The following CDH10 variants were observed in gnomAD, a reference collection of about 807,000 sequenced individuals.
The protein encoded by CDH10 is cadherin 10, also known as cadherin-10.
In CDH10, 30 loss-of-function variants were observed where a neutral mutation model predicts 73.1. The observed-to-expected ratio is 0.41, with a 90% CI of 0.31 to 0.56. CDH10 has a LOEUF of 0.56. Ranked by LOEUF, CDH10 falls within the 20% of genes least tolerant of loss-of-function variation. The probability of loss-of-function intolerance (pLI) is 0.27; values close to 1 mark genes in which losing one functional copy is unlikely to be tolerated. For missense variants in CDH10, 815 were observed against 973.7 expected (o/e 0.84, Z 2.17); for synonymous variants, 345 against 348.2 (o/e 0.99, Z 0.10).
intron 2 of CDH10, among the ~76,000 whole-genome samples, chr5:24,566,342 C>T (rs1169452806): frequency 1.3e-5 from 2 of 152,108 alleles, no homozygotes; most frequent in African/African-American, 4.8e-5. Flanking sequence ...GCCACCACTC[C>T]CGGCCCCTAG....
chr5:24,619,395 G>T (rs570982165), intron 1 of CDH10, among the ~76,000 whole-genome samples: 4 of 151,966 alleles, frequency 2.6e-5, no homozygotes, highest in Non-Finnish European at 5.9e-5. Flanking sequence ...AGGTTTCACC[G>T]TGTTAGCCAG....
chr5:24,530,361 G>T (rs1383921950), intron 5 of CDH10, among the ~76,000 whole-genome samples: 1 of 151,894 alleles, frequency 6.6e-6, no homozygotes, highest in Admixed American at 6.6e-5. Flanking sequence ...GTTTTGTCAA[G>T]CCCTACAATG....
chr5:24,613,631 G>C (rs1439432333), intron 1 of CDH10, among the ~76,000 whole-genome samples: 1 of 151,850 alleles, frequency 6.6e-6, no homozygotes, highest in African/African-American at 2.4e-5. Context: ...AAGTACAAAT[G>C]GGGACAATGT....
At chr5:24,582,444 C>T (rs1745836628) in intron 2 of CDH10, among the ~76,000 whole-genome samples, 1 of 152,030 alleles carries the variant, frequency 6.6e-6, no homozygotes, top group African/African-American at 2.4e-5. Flanking sequence ...ACACTATTAT[C>T]ACAAAATAAA....
intron 5 of CDH10, among the ~76,000 whole-genome samples, chr5:24,519,092 T>C (rs2111804716): frequency 6.6e-6 from 1 of 151,856 alleles, no homozygotes; most frequent in South Asian, 2.1e-4. Flanking sequence ...GTTTTTGCCA[T>C]GTTACCCAGG....
chr5:24,504,506 CTTTTTTTTTTTTTTTTTTTTTT>C lies in CDH10; in HGVS notation c.1393+584_1393+605del, dbSNP rs70965605. 4.4e-4 allele frequency among the ~76,000 whole-genome samples: 29 copies of C among 65,206 alleles called. 3 individuals carry two copies. Among genetic ancestry groups the C allele is most frequent in the Admixed American group, 3.0e-3 (19 of 6,246 alleles). 42.8% of individuals were successfully genotyped at this position (65,206 alleles called of 152,430 possible). A position where few individuals can be genotyped will look rare whatever the true frequency, so the allele number is the denominator to read the frequency against. On this transcript the variant is annotated intron_variant, in intron 8 of 11. Transcript: ENST00000264463. ...TATTAAATGCTTTTCTCCTATTAAT[CTTTTTTTTTTTTTTTTTTTTTT>C]TTTTTTTTTTTTTTTAAGATGGAAT...
At chr5:24,550,223 G>T (rs1454592747) in intron 2 of CDH10, among the ~76,000 whole-genome samples, 2 of 152,296 alleles carry the variant, frequency 1.3e-5, no homozygotes, top group East Asian at 1.9e-4. Context: ...CAACCAGTGT[G>T]TGAAAATACA....
chr5:24,615,211 A>G (rs1254729371), intron 1 of CDH10, among the ~76,000 whole-genome samples: 1 of 152,214 alleles, frequency 6.6e-6, no homozygotes, highest in African/African-American at 2.4e-5. Context: ...TCATTTCTGC[A>G]TCAGAATTTT....
chr5:24,587,079 C>T lies in CDH10; in HGVS notation c.231+6181G>A, dbSNP rs1055416106. Among the ~76,000 whole-genome samples, 6 of 150,794 alleles carry T rather than the reference C, an allele frequency of 4.0e-5. No individual in the cohort carries two copies. In the South Asian group the frequency reaches 8.5e-4, roughly 21 times the overall value. On this transcript the variant is annotated intron_variant, in intron 2 of 11. Transcript: ENST00000264463. ...CAGAATGGTCTCGATCTCCTGACCT[C>T]GTGATCTGCCCGCCTCGGCCTCCCA...
In CDH10 at chr5:24,537,647, C is replaced by T. The variant is rs2111897247; in HGVS notation, c.259G>A (p.Gly87Arg). 3 of 1,600,758 alleles carry T rather than the reference C, an allele frequency of 1.9e-6. No individual in the cohort carries two copies. The highest frequency in any genetic ancestry group is 2.6e-6 in the Non-Finnish European group (3 of 1,169,178). The change falls in exon 3 of 12, where the codon GGA becomes AGA. Residue 87 changes from glycine to arginine, a missense_variant. Physicochemically the swap from Gly to Arg is moderately radical, Grantham distance 125 (BLOSUM62 -2). Coordinates refer to ENST00000264463, the MANE Select transcript of CDH10 (RefSeq NM_006727.5). Reference sequence around the variant, plus strand: ...CCAGATAAGATATATTTGAGTGATCCATCTCCTTTATCTTGGTCTGAATGT... The same window carrying T: ...CCAGATAAGATATATTTGAGTGATCTATCTCCTTTATCTTGGTCTGAATGT... ...KLHSDQDKGD[G>R]SLKYILSGDG... is the part of the protein sequence containing the mutation.
chr5:24,489,661 G>T (rs1273003084), intron 11 of CDH10, among the ~76,000 whole-genome samples: 3 of 151,990 alleles, frequency 2.0e-5, no homozygotes, highest in Admixed American at 2.0e-4. Context: ...TAGGGTAACA[G>T]AAATACTCAC....
At chr5:24,592,271 T>C (rs1746224633) in intron 2 of CDH10, among the ~76,000 whole-genome samples, 1 of 151,852 alleles carries the variant, frequency 6.6e-6, no homozygotes, top group African/African-American at 2.4e-5. Flanking sequence ...CAATTTTAAT[T>C]ATTTGAATGA....
chr5:24,534,850 G>T (rs549584325), intron 5 of CDH10, among the ~76,000 whole-genome samples: 1 of 152,140 alleles, frequency 6.6e-6, no homozygotes, highest in Admixed American at 6.6e-5. Flanking sequence ...TACAATTACA[G>T]ATGCCAGGCT....
At chr5:24,604,185 C>CA (rs1279623488) in intron 1 of CDH10, among the ~76,000 whole-genome samples, 4 of 151,852 alleles carry the variant, frequency 2.6e-5, no homozygotes, top group African/African-American at 4.8e-5. Flanking sequence ...CCCATATCTA[C>CA]AAAAAAATTT....
In CDH10 at chr5:24,487,538, G is replaced by T; in HGVS notation, c.*125C>A. On this transcript the variant is annotated 3_prime_UTR_variant, in exon 12 of 12. Coordinates refer to ENST00000264463, the MANE Select transcript of CDH10 (RefSeq NM_006727.5). ...TTAATGTAATTAATGAACAAATTAAGAAGTAAATGAGAAAAAAAATTGTGC... is the reference window on the plus strand; with the variant it reads ...TTAATGTAATTAATGAACAAATTAATAAGTAAATGAGAAAAAAAATTGTGC... 2.5e-6 allele frequency: 2 copies of T among 810,002 alleles called. No individual in the cohort carries two copies. The highest frequency in any genetic ancestry group is 4.9e-5 in the East Asian group (2 of 40,790). The allele number at this position is 810,002 out of a possible 1,614,324, so 50.2% of individuals were successfully genotyped here.
At chr5:24,592,655 C>T (rs992667596) in intron 2 of CDH10, among the ~76,000 whole-genome samples, 5 of 151,688 alleles carry the variant, frequency 3.3e-5, no homozygotes, top group Non-Finnish European at 7.4e-5. Context: ...TCTTCCTGTC[C>T]ACCTCATATT....
chr5:24,556,874 T>C (rs1039680473), intron 2 of CDH10, among the ~76,000 whole-genome samples: 19 of 151,976 alleles, frequency 1.3e-4, no homozygotes, highest in African/African-American at 4.3e-4. Context: ...ACACATTCAA[T>C]TGGTTTCTAG....
At chr5:24,505,282 G>A (rs756273162) in intron 7 of CDH10, 34 bp from the exon 8 acceptor site, 1 of 1,592,038 alleles carries the variant, frequency 6.3e-7, no homozygotes, top group South Asian at 1.1e-5. Context: ...ATACATGGCA[G>A]CATTATTAAT....
At position 24,511,512 on chromosome 5, in the gene CDH10, T is replaced by C. The variant is rs776211315; in HGVS notation, c.817A>G (p.Thr273Ala). ...NDNPPRFPQN[T>A]IHLRVLESSP... ...GATTCAAGAACTCGAAGATGAATAG[T>C]GTCTGTAAAGTATAAAGAAAAGAAG... Residue 273 changes from threonine (T) to alanine (A), a missense_variant and splice_region_variant, in exon 6 of 12, where the codon ACT becomes GCT. Transcript: ENST00000264463. 6.5e-7 allele frequency: 1 copy of C among 1,527,798 alleles called. No homozygotes were observed. The highest frequency in any genetic ancestry group is 2.3e-5 in the East Asian group (1 of 44,326). The allele number at this position is 1,527,798 out of a possible 1,614,324, so 94.6% of individuals were successfully genotyped here.
Sources: allele counts gnomAD v4.1 joint callset (sites outside exome capture counted in the v4.1 genomes callset), GRCh38; gene constraint gnomAD v4.1.1; transcripts MANE v1.5; gene names NCBI Gene and HGNC (gene_info 2026-07-23, HGNC 2026-07-21).